The following TRIML1 variants were observed in gnomAD, a reference collection of about 807,000 sequenced individuals.
TRIML1 encodes the protein probable E3 ubiquitin-protein ligase TRIML1.
A neutral mutation model predicts 32.3 loss-of-function variants in TRIML1; 34 were observed. The ratio of observed to expected loss-of-function variants is 1.05; its 90% confidence interval spans 0.80 to 1.40. The LOEUF is 1.40. Among genes scored for constraint, TRIML1 ranks in the 40% most tolerant of loss-of-function variants. The pLI, the probability that TRIML1 is intolerant of heterozygous loss-of-function variation, is 0.00. For synonymous variants in TRIML1, 244 were observed against 226.6 expected (o/e 1.08, Z -0.69); for missense variants, 595 against 574.9 (o/e 1.03, Z -0.36).
At chr4:188,138,954 A>G (rs1380413198), upstream of TRIML1, among the ~76,000 whole-genome samples, 1 of 152,074 alleles carries the variant, frequency 6.6e-6, no homozygotes, top group Admixed American at 6.6e-5. Flanking sequence ...ATAAAATTAA[A>G]TAAAAGTACA....
upstream of TRIML1, among the ~76,000 whole-genome samples, chr4:188,137,730 G>A (rs1219681274): frequency 6.6e-6 from 1 of 151,838 alleles, no homozygotes; most frequent in Admixed American, 6.6e-5. Flanking sequence ...GCCTGCCTCA[G>A]CCTCCCAAAG....
In TRIML1 at chr4:188,146,880, G is replaced by C; in HGVS notation, c.915G>C (p.Leu305=). The C allele has an allele frequency of 6.7e-7, 1 of 1,487,716 alleles. No homozygotes were observed. Among genetic ancestry groups the C allele is most frequent in the Non-Finnish European group, 8.9e-7 (1 of 1,118,064 alleles). 92.2% of individuals were successfully genotyped at this position (1,487,716 alleles called of 1,614,324 possible). A position where few individuals can be genotyped will look rare whatever the true frequency, so the allele number is the denominator to read the frequency against. The change falls in exon 6 of 6, where the codon CTG becomes CTC. Residue 305 remains leucine (L), a synonymous_variant. Coordinates refer to ENST00000332517, the MANE Select transcript of TRIML1 (RefSeq NM_178556.5). The part of the protein sequence containing the change: ...ANAYLVLSED[L]KSVKYGGSRQ... ...CCTATCTCGTGTTGTCGGAGGATCT[G>C]AAGAGTGTGAAATATGGGGGAAGCA...
chr4:188,147,920 T>C (rs79278583), downstream of TRIML1, among the ~76,000 whole-genome samples: 879 of 152,276 alleles, frequency 5.8e-3, no homozygotes, highest in Non-Finnish European at 0.01. Flanking sequence ...CTGCAGTGTT[T>C]GTACTCAGGA....
At chr4:188,142,207 C>CGTGTGT (rs61461219) in intron 2 of TRIML1, 45 bp from the exon 3 acceptor site, 13,543 of 1,011,482 alleles carry the variant, frequency 0.013, 164 homozygotes, top group African/African-American at 0.075. Context: ...AACTTTATCT[C>CGTGTGT]GTGTGTGTGT....
Position 188,142,273 on chromosome 4 carries a change from C to T in TRIML1, c.526C>T (p.Gln176Ter), listed in dbSNP as rs749310662. The T allele has an allele frequency of 3.1e-6, 5 of 1,608,942 alleles. No homozygotes were observed. Among genetic ancestry groups the T allele is most frequent in the Non-Finnish European group, 4.2e-6 (5 of 1,178,614 alleles). The change falls in exon 3 of 6, where the codon CAG (glutamine) becomes TAG (stop). Residue 176 changes from glutamine to a stop codon, truncating the protein, a stop_gained. Coordinates refer to ENST00000332517, the MANE Select transcript of TRIML1 (RefSeq NM_178556.5). LOFTEE classifies it high-confidence loss of function. ...GCAGGAAGAAACAAAGACTTGTAAA[C>T]AGGTTGTTGTGTCAGAATACATGAA... Reference protein sequence around the residue: ...LCQEETKTCKQVVVSEYMKMH... With the variant: ...LCQEETKTCK
Position 188,146,879 on chromosome 4 carries a change from T to C in TRIML1, c.914T>C (p.Leu305Pro), listed in dbSNP as rs780199624. ...GCCTATCTCGTGTTGTCGGAGGATCTGAAGAGTGTGAAATATGGGGGAAGC... is the reference window on the plus strand; with the variant it reads ...GCCTATCTCGTGTTGTCGGAGGATCCGAAGAGTGTGAAATATGGGGGAAGC... The part of the protein sequence containing the change: ...ANAYLVLSED[L>P]KSVKYGGSRQ... The change falls in exon 6 of 6, where the codon CTG (leucine) becomes CCG (proline). Residue 305 changes from leucine (L) to proline (P), a missense_variant. Physicochemically the swap from Leu to Pro is moderately conservative, Grantham distance 98. Coordinates refer to ENST00000332517, the MANE Select transcript of TRIML1 (RefSeq NM_178556.5). 4 of 1,486,316 alleles carry C rather than the reference T, an allele frequency of 2.7e-6. No individual in the cohort carries two copies. In the South Asian group the frequency reaches 4.4e-5, roughly 16 times the overall value. The allele number at this position is 1,486,316 out of a possible 1,614,324, so 92.1% of individuals were successfully genotyped here.
At chr4:188,141,396 C>G (rs1388780782) in intron 2 of TRIML1, among the ~76,000 whole-genome samples, 2 of 151,910 alleles carry the variant, frequency 1.3e-5, no homozygotes, top group Admixed American at 1.3e-4. Context: ...GAACTCCCGA[C>G]CTCAGGTAAT....
intron 3 of TRIML1, chr4:188,143,343 C>T (rs190760512): frequency 3.1e-5 from 5 of 160,592 alleles, no homozygotes; most frequent in Admixed American, 1.2e-4. Flanking sequence ...CGAGAGCCAC[C>T]GGCACCCGGC....
downstream of TRIML1, among the ~76,000 whole-genome samples, chr4:188,150,510 C>A (rs1425865421): frequency 1.3e-5 from 2 of 152,138 alleles, no homozygotes; most frequent in African/African-American, 4.8e-5. Flanking sequence ...AAACAGCAAC[C>A]ATTTGGAATA....
chr4:188,150,690 C>T (rs2111244657), downstream of TRIML1, among the ~76,000 whole-genome samples: 1 of 151,894 alleles, frequency 6.6e-6, no homozygotes, highest in African/African-American at 2.4e-5. Context: ...AGAGTCTAGC[C>T]TAATTTTTCC....
At chr4:188,140,411 C>G in intron 1 of TRIML1, 117 bp from the exon 2 acceptor site, 1 of 780,544 alleles carries the variant, frequency 1.3e-6, no homozygotes, top group Non-Finnish European at 2.1e-6. Context: ...CGTGAGGCGC[C>G]GCACCCAGCC....
At chr4:188,141,282 C>T (rs562029501) in intron 2 of TRIML1, among the ~76,000 whole-genome samples, 1 of 151,576 alleles carries the variant, frequency 6.6e-6, no homozygotes, top group African/African-American at 2.4e-5. Flanking sequence ...ATTCTCCTGC[C>T]TCAGCCTTCT....
intron 5 of TRIML1, among the ~76,000 whole-genome samples, chr4:188,146,300 G>A (rs1358751021): frequency 6.6e-6 from 1 of 152,128 alleles, no homozygotes; most frequent in Non-Finnish European, 1.5e-5. Flanking sequence ...CCCCACCTCA[G>A]GCAGGCTAAA....
intron 5 of TRIML1, among the ~76,000 whole-genome samples, chr4:188,144,611 C>T (rs1472578253): frequency 1.3e-5 from 2 of 151,702 alleles, no homozygotes; most frequent in East Asian, 3.9e-4. Flanking sequence ...ATCCGCCCGC[C>T]TCGGCCTCCC....
At chr4:188,147,755 G>A (rs547060323), downstream of TRIML1, 5 of 160,124 alleles carry the variant, frequency 3.1e-5, no homozygotes, top group Non-Finnish European at 6.8e-5. Flanking sequence ...TGTGCTGCTC[G>A]AATGTGTCTT....
At position 188,147,545 on chromosome 4, in the gene TRIML1, C is replaced by A; in HGVS notation, c.*173C>A. The A allele has an allele frequency of 2.2e-6, 1 of 445,876 alleles. No homozygotes were observed. The highest frequency in any genetic ancestry group is 3.8e-6 in the Non-Finnish European group (1 of 264,272). The allele number at this position is 445,876 out of a possible 1,614,324, so 27.6% of individuals were successfully genotyped here. A position where few individuals can be genotyped will look rare whatever the true frequency, so the allele number is the denominator to read the frequency against. Reference sequence around the variant, plus strand: ...GATCCCATTATGAACAGCCACATTACACAATCAACTTCAACCCCAATAGAA... The same window carrying A: ...GATCCCATTATGAACAGCCACATTAAACAATCAACTTCAACCCCAATAGAA... On this transcript the variant is annotated 3_prime_UTR_variant, in exon 6 of 6. Transcript: ENST00000332517.
At chr4:188,143,728 C>T (rs1009480583) in intron 3 of TRIML1, 110 bp from the exon 4 acceptor site, 42 of 1,336,836 alleles carry the variant, frequency 3.1e-5, no homozygotes, top group African/African-American at 7.2e-5. Flanking sequence ...TCATGGTGTG[C>T]TTCATGGGAA....
At position 188,144,033 on chromosome 4, in the gene TRIML1, C is replaced by T. The variant is rs776541310; in HGVS notation, c.759-3C>T. 6.2e-7 allele frequency: 1 copy of T among 1,613,344 alleles called. No homozygotes were observed. The highest frequency in any genetic ancestry group is 2.2e-5 in the East Asian group (1 of 44,862). On this transcript the variant is annotated splice_region_variant and splice_polypyrimidine_tract_variant and intron_variant, in intron 4 of 5. Transcript: ENST00000332517. ...AGGAGTGAACCTCTCTGCTCTCTTG[C>T]AGGAGCGAGCCACTCTTGCTTCAGT...
rs183531060 is a variant in TRIML1 at position 188,141,291 on chromosome 4, C to T, written c.504+668C>T. Among the ~76,000 whole-genome samples the T allele has an allele frequency of 5.2e-3, 793 of 151,202 alleles. 22 individuals carry two copies. Among genetic ancestry groups the T allele is most frequent in the East Asian group, 3.6e-3 (18 of 5,044 alleles). Reference sequence around the variant, plus strand: ...CAAGTGATTCTCCTGCCTCAGCCTTCTGAGTAGCTGGGATTACAGACGTGT... The same window carrying T: ...CAAGTGATTCTCCTGCCTCAGCCTTTTGAGTAGCTGGGATTACAGACGTGT... On this transcript the variant is annotated intron_variant, in intron 2 of 5. Coordinates refer to ENST00000332517, the MANE Select transcript of TRIML1 (RefSeq NM_178556.5).
Sources: allele counts gnomAD v4.1 joint callset (sites outside exome capture counted in the v4.1 genomes callset), GRCh38; gene constraint gnomAD v4.1.1; transcripts MANE v1.5; gene names NCBI Gene and HGNC (gene_info 2026-07-23, HGNC 2026-07-21).